Variants in RECK observed in about 807,000 individuals in gnomAD.
The protein encoded by RECK is reversion inducing cysteine rich protein with kazal motifs, also known as reversion-inducing cysteine-rich protein with Kazal motifs.
RECK carries 69 observed loss-of-function variants against 115.1 expected under a neutral mutation model. The ratio of observed to expected loss-of-function variants is 0.60; its 90% CI spans 0.49 to 0.73. RECK has a LOEUF of 0.73. Among genes scored for constraint, RECK ranks in the 30% least tolerant of loss-of-function variants. The pLI, the probability that RECK is intolerant of heterozygous loss-of-function variation, is 0.00. For missense variants in RECK, 1,047 were observed against 1,203.7 expected (o/e 0.87, Z 1.93); for synonymous variants, 414 against 419.7 (o/e 0.99, Z 0.17).
rs751529500 is a variant in RECK, at chr9:36,063,827, T to A, written c.304T>A (p.Leu102Ile). 12 of 1,613,946 alleles carry A rather than the reference T, an allele frequency of 7.4e-6. No individual in the cohort carries two copies. In the Admixed American group the frequency reaches 1.2e-4, roughly 16 times the overall value. ...VFKKSDGWVG[L>I]GCCELAIALE... ...TAAGAAGTCTGATGGCTGGGTTGGCTTAGGCTGCTGTGAACTGGCTATTGC... is the reference window on the plus strand; with the variant it reads ...TAAGAAGTCTGATGGCTGGGTTGGCATAGGCTGCTGTGAACTGGCTATTGC... The change falls in exon 5 of 21, where the codon TTA becomes ATA. Residue 102 changes from leucine to isoleucine, a missense_variant. Physicochemically the swap from Leu to Ile is conservative, Grantham distance 5. Coordinates refer to ENST00000377966, the MANE Select transcript of RECK (RefSeq NM_021111.3).
At chr9:36,082,569 C>T (rs76526329) in intron 7 of RECK, among the ~76,000 whole-genome samples, 2,516 of 152,260 alleles carry the variant, frequency 0.017, 22 homozygotes, top group Non-Finnish European at 0.025. Flanking sequence ...CTTTACAGAT[C>T]CCACATCTGC....
intron 2 of RECK, among the ~76,000 whole-genome samples, chr9:36,054,202 G>A (rs143702367): frequency 3.3e-4 from 50 of 152,280 alleles, no homozygotes; most frequent in African/African-American, 1.1e-3. Flanking sequence ...ACAGGATGGA[G>A]TCTTGATGAC....
intron 1 of RECK, among the ~76,000 whole-genome samples, chr9:36,049,312 AGT>A (rs1821193801): frequency 6.6e-6 from 1 of 152,126 alleles, no homozygotes; most frequent in Non-Finnish European, 1.5e-5. Context: ...AATCCCTGGA[AGT>A]TGGGAGATCA....
In RECK at chr9:36,069,447, A is replaced by G. The variant is rs543703054; in HGVS notation, c.405+3823A>G. Among the ~76,000 whole-genome samples the G allele has an allele frequency of 1.4e-4, 21 of 145,614 alleles. 1 individual carries two copies. In the South Asian group the frequency reaches 4.7e-3, roughly 32 times the overall value. On this transcript the variant is annotated intron_variant, in intron 6 of 20. Coordinates refer to ENST00000377966, the MANE Select transcript of RECK (RefSeq NM_021111.3). ...TCCCAGCTACTCGGGAGGCTGAAGT[A>G]GGAGAATCACTTGAACCTGGAGGTG...
intron 4 of RECK, among the ~76,000 whole-genome samples, chr9:36,062,160 C>CT (rs770648750): frequency 0.031 from 4,062 of 131,920 alleles, 208 homozygotes; most frequent in African/African-American, 0.097. Flanking sequence ...GCATCTCCTA[C>CT]TTTTTTTTTT....
chr9:36,057,335 T>C (rs1821569182), intron 2 of RECK, among the ~76,000 whole-genome samples: 1 of 152,144 alleles, frequency 6.6e-6, no homozygotes, highest in Admixed American at 6.6e-5. Context: ...CTTTTTTTTC[T>C]TCCTTCTCTC....
At chr9:36,067,847 A>G (rs16932887) in intron 6 of RECK, among the ~76,000 whole-genome samples, 8,268 of 152,254 alleles carry the variant, frequency 0.054, 723 homozygotes, top group African/African-American at 0.18. Flanking sequence ...GTTTGGAGTT[A>G]TCAGGAAAAA....
chr9:36,048,126 A>AATATATATTTATATATATATATATATAT (rs1821140441), intron 1 of RECK, among the ~76,000 whole-genome samples: 1 of 115,372 alleles, frequency 8.7e-6, no homozygotes, highest in African/African-American at 4.3e-5. Flanking sequence ...ACACAGGTTG[A>AATATATATTTATATATATATATATATAT]ATATATATAT....
At chr9:36,057,689 C>T (rs142452698) in intron 2 of RECK, among the ~76,000 whole-genome samples, 2 of 152,234 alleles carry the variant, frequency 1.3e-5, no homozygotes, top group Admixed American at 1.3e-4. Context: ...GCATTTGTGG[C>T]TCATGCCCAA....
intron 15 of RECK, among the ~76,000 whole-genome samples, chr9:36,111,949 G>A (rs1484573786): frequency 2.0e-5 from 3 of 147,334 alleles, no homozygotes; most frequent in Admixed American, 6.8e-5. Flanking sequence ...TAAAAACCCT[G>A]TCAGAATACA....
At chr9:36,096,091 G>T (rs1181096492) in intron 10 of RECK, among the ~76,000 whole-genome samples, 1 of 141,334 alleles carries the variant, frequency 7.1e-6, no homozygotes, top group East Asian at 2.1e-4. Flanking sequence ...AAAAAAATTT[G>T]CTGGGTGTAG....
In RECK at chr9:36,037,142, C is replaced by A. The variant is rs749156122; in HGVS notation, c.100+44C>A. On this transcript the variant is annotated intron_variant, in intron 1 of 20. Coordinates refer to ENST00000377966, the MANE Select transcript of RECK (RefSeq NM_021111.3). ...AACGGTTCGAAGCTGTCGGGAGCGG[C>A]CGCCACAGCGCTCCAAGATGGCGCG... 1.1e-5 allele frequency: 13 copies of A among 1,211,824 alleles called. No homozygotes were observed. The East Asian group carries it at 3.2e-4, about 30-fold the overall frequency. 75.1% of individuals were successfully genotyped at this position (1,211,824 alleles called of 1,614,324 possible). A position where few individuals can be genotyped will look rare whatever the true frequency, so the allele number is the denominator to read the frequency against.
intron 12 of RECK, among the ~76,000 whole-genome samples, chr9:36,103,596 G>C (rs1823647714): frequency 6.6e-6 from 1 of 152,180 alleles, no homozygotes; most frequent in Non-Finnish European, 1.5e-5. Flanking sequence ...AGTAAAATTG[G>C]AGATCTTTTA....
At chr9:36,100,214 T>A in intron 10 of RECK, 117 bp from the exon 11 acceptor site, 1 of 712,406 alleles carries the variant, frequency 1.4e-6, no homozygotes, top group Admixed American at 2.6e-5. Context: ...ATGGGTTGTA[T>A]GTGCTTTCTT....
At chr9:36,040,314 A>G (rs1820825946) in intron 1 of RECK, among the ~76,000 whole-genome samples, 1 of 152,210 alleles carries the variant, frequency 6.6e-6, no homozygotes, top group Non-Finnish European at 1.5e-5. Context: ...AAGAGTTTAT[A>G]AGAGCTGCCT....
chr9:36,092,081 A>T (rs1186802530), intron 10 of RECK, among the ~76,000 whole-genome samples: 2 of 152,108 alleles, frequency 1.3e-5, no homozygotes, highest in East Asian at 3.8e-4. Flanking sequence ...CACACATCTT[A>T]TTTTTTTTAA....
intron 1 of RECK, among the ~76,000 whole-genome samples, chr9:36,043,104 A>C (rs1820940816): frequency 7.6e-6 from 1 of 131,808 alleles, no homozygotes; most frequent in Non-Finnish European, 1.5e-5. Flanking sequence ...GGCTCACTGC[A>C]AGCTCCGCCT....
At chr9:36,063,692 T>C in intron 4 of RECK, 103 bp from the exon 5 acceptor site, 1 of 1,037,074 alleles carries the variant, frequency 9.6e-7, no homozygotes, top group South Asian at 1.4e-5. Flanking sequence ...AGTTTTCTTA[T>C]GGACAGCTGC....
intron 9 of RECK, among the ~76,000 whole-genome samples, chr9:36,089,393 A>G (rs1383537488): frequency 6.6e-6 from 1 of 152,142 alleles, no homozygotes; most frequent in African/African-American, 2.4e-5. Flanking sequence ...TCTTCATAAA[A>G]CCTTAGGAGA....
Sources: gnomAD v4.1 joint callset for allele counts (sites outside exome capture counted in the v4.1 genomes callset) on GRCh38, gnomAD v4.1.1 for gene constraint, MANE v1.5 for transcripts, NCBI Gene and HGNC (gene_info 2026-07-23, HGNC 2026-07-21) for gene names.